Variants in SOS2 observed in about 807,000 individuals in gnomAD.
SOS2 encodes SOS Ras/Rho guanine nucleotide exchange factor 2.
SOS2 carries 65 observed loss-of-function variants against 148.2 expected under a neutral mutation model. The ratio of observed to expected loss-of-function variants is 0.44; its 90% CI spans 0.36 to 0.54. SOS2 has a LOEUF of 0.54. Ranked by LOEUF, SOS2 falls within the 20% of genes least tolerant of loss-of-function variation. The pLI is 0.00. For synonymous variants in SOS2, 539 were observed against 537.1 expected, an observed-to-expected ratio of 1.00 and a Z score of -0.05; for missense variants, 1,341 against 1,590.2, an observed-to-expected ratio of 0.84 and a Z score of 2.67.
intron 1 of SOS2, among the ~76,000 whole-genome samples, chr14:50,208,563 G>A (rs757434889): frequency 3.3e-5 from 5 of 152,006 alleles, no homozygotes; most frequent in African/African-American, 7.3e-5. Flanking sequence ...CAGAAGAATC[G>A]CTTGAACTGG....
intron 18 of SOS2, among the ~76,000 whole-genome samples, chr14:50,136,361 A>T (rs918327109): frequency 6.6e-6 from 1 of 152,222 alleles, no homozygotes; most frequent in Non-Finnish European, 1.5e-5. Flanking sequence ...TGGTGGTAGG[A>T]ACCCTAGACC....
intron 16 of SOS2, among the ~76,000 whole-genome samples, chr14:50,142,010 CTTT>C (rs143071093): frequency 7.0e-5 from 10 of 143,006 alleles, no homozygotes; most frequent in East Asian, 4.0e-4. Flanking sequence ...ATTAATATTT[CTTT>C]TTTTTTTTTT....
At chr14:50,153,911 C>A (rs555096956) in intron 12 of SOS2, among the ~76,000 whole-genome samples, 7 of 151,818 alleles carry the variant, frequency 4.6e-5, no homozygotes, top group Non-Finnish European at 1.0e-4. Context: ...CTGCACCCAG[C>A]CTATCATCAA....
chr14:50,146,645 T>C (rs887617044), intron 14 of SOS2, among the ~76,000 whole-genome samples: 3 of 151,902 alleles, frequency 2.0e-5, no homozygotes, highest in African/African-American at 7.3e-5. Context: ...AGACTCTGTC[T>C]CAAAACAAAC....
At chr14:50,186,981 AG>A (rs1258440098) in intron 5 of SOS2, among the ~76,000 whole-genome samples, 1 of 152,206 alleles carries the variant, frequency 6.6e-6, no homozygotes, top group African/African-American at 2.4e-5. Flanking sequence ...TTGTGGAGGA[AG>A]TTAGGAGGTA....
At chr14:50,155,914 AT>A (rs1440072656) in intron 12 of SOS2, 1 of 152,186 alleles carries the variant, frequency 6.6e-6, no homozygotes, top group Non-Finnish European at 1.5e-5. Flanking sequence ...TTACTTATTT[AT>A]TGCTGATACA....
At chr14:50,147,719 A>G (rs1163836208) in intron 14 of SOS2, among the ~76,000 whole-genome samples, 1 of 152,244 alleles carries the variant, frequency 6.6e-6, no homozygotes, top group Non-Finnish European at 1.5e-5. Context: ...TTTGTTGTTC[A>G]TGAATATTCA....
At chr14:50,205,631 TGA>T (rs1455616345) in intron 1 of SOS2, among the ~76,000 whole-genome samples, 1 of 152,098 alleles carries the variant, frequency 6.6e-6, no homozygotes, top group Non-Finnish European at 1.5e-5. Context: ...CTGAACAAAA[TGA>T]GAGTTTTAAA....
chr14:50,169,325 A>G (rs1472552710), intron 8 of SOS2, among the ~76,000 whole-genome samples: 1 of 68,454 alleles, frequency 1.5e-5, no homozygotes, highest in Non-Finnish European at 2.9e-5. Flanking sequence ...CAAAAAAAAT[A>G]AAAATAAAAA....
chr14:50,169,190 T>C (rs1335752264), intron 8 of SOS2, among the ~76,000 whole-genome samples: 1 of 151,082 alleles, frequency 6.6e-6, no homozygotes, highest in African/African-American at 2.4e-5. Context: ...GTAGCACGCA[T>C]CTGTAATCTC....
intron 8 of SOS2, among the ~76,000 whole-genome samples, chr14:50,167,635 G>C (rs1436667696): frequency 1.3e-5 from 2 of 152,070 alleles, no homozygotes; most frequent in African/African-American, 4.8e-5. Flanking sequence ...TTGGGAGGCT[G>C]AGGCAGGAGG....
At chr14:50,210,405 G>C (rs1391452173) in intron 1 of SOS2, among the ~76,000 whole-genome samples, 2 of 151,972 alleles carry the variant, frequency 1.3e-5, no homozygotes, top group African/African-American at 2.4e-5. Context: ...CTGCATGTTA[G>C]GCCTAATAAA....
chr14:50,218,218 G>GAA (rs35149667), intron 1 of SOS2, among the ~76,000 whole-genome samples: 1 of 95,818 alleles, frequency 1.0e-5, no homozygotes, highest in African/African-American at 3.8e-5. Flanking sequence ...TCGATAAAAG[G>GAA]AAAAAAAAAA....
At chr14:50,162,393 A>G (rs1414450651) in intron 8 of SOS2, among the ~76,000 whole-genome samples, 1 of 152,116 alleles carries the variant, frequency 6.6e-6, no homozygotes, top group Non-Finnish European at 1.5e-5. Flanking sequence ...TCTGCCTCCC[A>G]AAGTGTTGAA....
In SOS2 at chr14:50,159,413, G is replaced by C. The variant is rs768521644; in HGVS notation, c.1852+18C>G. ...GGTCCCAGGCCCTAGGTCAGCAGTT[G>C]TAATGAGTTTCACATACCTGCATAC... On this transcript the variant is annotated intron_variant, in intron 10 of 22. Transcript: ENST00000216373. 1.6e-5 allele frequency: 24 copies of C among 1,540,880 alleles called. No homozygotes were observed. Among genetic ancestry groups the C allele is most frequent in the African/African-American group, 2.8e-5 (2 of 72,722 alleles).
At chr14:50,189,979 G>T (rs568239270) in intron 4 of SOS2, among the ~76,000 whole-genome samples, 2 of 151,896 alleles carry the variant, frequency 1.3e-5, no homozygotes, top group African/African-American at 4.8e-5. Context: ...CTCCTGAGTA[G>T]CTGGGATTAC....
intron 1 of SOS2, among the ~76,000 whole-genome samples, chr14:50,213,667 T>TC (rs1487816119): frequency 3.4e-5 from 5 of 147,644 alleles, no homozygotes; most frequent in South Asian, 2.2e-4. Context: ...TGAGACCCTG[T>TC]CCCCCCCACC....
Position 50,118,555 on chromosome 14 carries a change from G to A in SOS2, c.3788C>T (p.Pro1263Leu). ...CGGTACCCTTGGAGAGGGTGTGCTA[G>A]GAGGAGTGCTTGGCGAATTTGGACA... ...STCPNSPSTP[P>L]STPSPRVPRR... is the part of the protein sequence containing the mutation. Residue 1263 changes from proline to leucine, a missense_variant, in exon 23 of 23, where the codon CCT (proline) becomes CTT (leucine). Around this residue, in one of 4 missense-constraint regions of SOS2, gnomAD observed 354 missense variants for 347.7 expected, o/e 1.02. Coordinates refer to ENST00000216373, the MANE Select transcript of SOS2 (RefSeq NM_006939.4). 6.2e-7 allele frequency: 1 copy of A among 1,614,146 alleles called. No homozygotes were observed. Among genetic ancestry groups the A allele is most frequent in the Non-Finnish European group, 8.5e-7 (1 of 1,180,000 alleles).
At chr14:50,213,205 C>T (rs1276465238) in intron 1 of SOS2, among the ~76,000 whole-genome samples, 2 of 152,118 alleles carry the variant, frequency 1.3e-5, no homozygotes, top group Non-Finnish European at 2.9e-5. Flanking sequence ...GGTCAGAAGG[C>T]TCTGGGAGAG....
Sources: allele counts gnomAD v4.1 joint callset (sites outside exome capture counted in the v4.1 genomes callset), GRCh38; gene constraint gnomAD v4.1.1; regional missense constraint gnomAD v4.1.1; transcripts MANE v1.5; gene names NCBI Gene and HGNC (gene_info 2026-07-23, HGNC 2026-07-21).